PLA2G4A: variants seen among roughly 807,000 people sequenced by gnomAD.
PLA2G4A encodes cytosolic phospholipase A2.
A neutral mutation model predicts 81.9 loss-of-function variants in PLA2G4A; 40 were observed. The observed-to-expected ratio is 0.49, with a 90% CI of 0.38 to 0.64. The LOEUF (loss-of-function observed/expected upper bound fraction) is 0.64, where lower values mean the gene tolerates loss of function less well. Ranked by LOEUF, PLA2G4A falls within the 30% of genes least tolerant of loss-of-function variation. The pLI, the probability that PLA2G4A is intolerant of heterozygous loss-of-function variation, is 0.00. For synonymous variants in PLA2G4A, 302 were observed against 296.9 expected, an observed-to-expected ratio of 1.02 and a Z score of -0.18; for missense variants, 715 against 905.1, an observed-to-expected ratio of 0.79 and a Z score of 2.69.
intron 14 of PLA2G4A, among the ~76,000 whole-genome samples, chr1:186,961,785 A>T (rs1164810180): frequency 6.6e-6 from 1 of 152,202 alleles, no homozygotes; most frequent in East Asian, 1.9e-4. Context: ...AATTATAATT[A>T]TACTTTCATT....
chr1:186,896,800 C>G (rs1482774225), intron 5 of PLA2G4A, among the ~76,000 whole-genome samples: 22 of 152,094 alleles, frequency 1.4e-4, no homozygotes, highest in Admixed American at 1.4e-3. Context: ...TGTTTTCAGA[C>G]TTCTTTGTAG....
At chr1:186,957,606 T>C (rs1429273260) in intron 14 of PLA2G4A, among the ~76,000 whole-genome samples, 1 of 152,232 alleles carries the variant, frequency 6.6e-6, no homozygotes, top group Non-Finnish European at 1.5e-5. Flanking sequence ...ACATAGGGCT[T>C]GAGTAAGCCA....
At chr1:186,919,036 C>T (rs978752549) in intron 7 of PLA2G4A, among the ~76,000 whole-genome samples, 14 of 152,224 alleles carry the variant, frequency 9.2e-5, no homozygotes, top group Admixed American at 9.2e-4. Context: ...TGGGTTAAAA[C>T]TCCAACTGCC....
chr1:186,933,225 T>G (rs1320637573), intron 8 of PLA2G4A, among the ~76,000 whole-genome samples: 1 of 152,186 alleles, frequency 6.6e-6, no homozygotes, highest in East Asian at 1.9e-4. Context: ...ATTAATTTAA[T>G]CTTCTTATAA....
chr1:186,877,239 C>T (rs1558391289), intron 3 of PLA2G4A, among the ~76,000 whole-genome samples: 1 of 152,060 alleles, frequency 6.6e-6, no homozygotes, highest in Non-Finnish European at 1.5e-5. Flanking sequence ...TCTCCTGTCT[C>T]TGCCTTCCAC....
intron 1 of PLA2G4A, among the ~76,000 whole-genome samples, chr1:186,847,705 T>C (rs1450293696): frequency 6.7e-6 from 1 of 150,052 alleles, no homozygotes; most frequent in Non-Finnish European, 1.5e-5. Context: ...TTCAGAAGAG[T>C]TTTGTTGTTG....
intron 7 of PLA2G4A, among the ~76,000 whole-genome samples, chr1:186,930,585 A>G (rs952755808): frequency 6.6e-6 from 1 of 152,166 alleles, no homozygotes; most frequent in Non-Finnish European, 1.5e-5. Context: ...TGAATTGTAT[A>G]ATCTGTTACT....
chr1:186,887,850 T>G (rs1052027331), intron 3 of PLA2G4A, among the ~76,000 whole-genome samples: 1 of 152,196 alleles, frequency 6.6e-6, no homozygotes, highest in Admixed American at 6.6e-5. Context: ...CCAGTGATGG[T>G]TATAGATTAT....
intron 1 of PLA2G4A, among the ~76,000 whole-genome samples, chr1:186,843,394 G>C (rs546258940): frequency 6.6e-6 from 1 of 152,194 alleles, no homozygotes; most frequent in Admixed American, 6.5e-5. Context: ...GATCTAGACA[G>C]TTTTCTCCAG....
intron 1 of PLA2G4A, among the ~76,000 whole-genome samples, chr1:186,831,373 A>G (rs1316166216): frequency 6.6e-6 from 1 of 152,150 alleles, no homozygotes; most frequent in East Asian, 1.9e-4. Flanking sequence ...AACTTGGTAT[A>G]ATGGAAAAAA....
intron 2 of PLA2G4A, among the ~76,000 whole-genome samples, chr1:186,863,853 C>T (rs1040813939): frequency 7.9e-5 from 12 of 151,882 alleles, no homozygotes; most frequent in African/African-American, 1.2e-4. Flanking sequence ...CTCCGCCTCC[C>T]GGGTTCAAGC....
At chr1:186,973,181 A>G (rs1026444816) in intron 15 of PLA2G4A, among the ~76,000 whole-genome samples, 1 of 152,234 alleles carries the variant, frequency 6.6e-6, no homozygotes, top group African/African-American at 2.4e-5. Context: ...TTCGGAGGGC[A>G]GAAGTTGAAA....
chr1:186,980,023 C>T (rs1198376487), intron 17 of PLA2G4A, among the ~76,000 whole-genome samples: 2 of 144,798 alleles, frequency 1.4e-5, no homozygotes, highest in African/African-American at 5.1e-5. Flanking sequence ...TGTCGGCTCA[C>T]TGCAAGCTCC....
chr1:186,954,255 T>G (rs6425062), intron 13 of PLA2G4A, among the ~76,000 whole-genome samples: 145,867 of 152,272 alleles, frequency 0.96, 69,912 homozygotes, highest in East Asian at 1. Context: ...GAATACTATA[T>G]AGCCATAAAA....
At chr1:186,870,304 C>T in intron 2 of PLA2G4A, 131 bp from the exon 3 acceptor site, 1 of 702,338 alleles carries the variant, frequency 1.4e-6, no homozygotes, top group Non-Finnish European at 2.6e-6. Context: ...AAAGAAGCAG[C>T]CTTACATCAA....
At chr1:186,872,549 G>T (rs1558386492) in intron 3 of PLA2G4A, among the ~76,000 whole-genome samples, 1 of 151,750 alleles carries the variant, frequency 6.6e-6, no homozygotes, top group African/African-American at 2.4e-5. Flanking sequence ...GCGTTCTGTT[G>T]TGTAGAGACA....
At chr1:186,903,228 G>T (rs998956308) in intron 5 of PLA2G4A, among the ~76,000 whole-genome samples, 1 of 151,596 alleles carries the variant, frequency 6.6e-6, no homozygotes, top group Non-Finnish European at 1.5e-5. Flanking sequence ...ATTAATTGCT[G>T]TTTGTTTCTA....
chr1:186,944,731 A>G (rs1256017988), intron 10 of PLA2G4A, among the ~76,000 whole-genome samples: 1 of 152,166 alleles, frequency 6.6e-6, no homozygotes, highest in Admixed American at 6.6e-5. Flanking sequence ...ACCTTTGGTG[A>G]CATGTGTTTT....
chr1:186,832,740 T>A (rs1651639584), intron 1 of PLA2G4A, among the ~76,000 whole-genome samples: 2 of 152,224 alleles, frequency 1.3e-5, no homozygotes, highest in Non-Finnish European at 2.9e-5. Flanking sequence ...CAATTTCAAA[T>A]ATGATAGATA....
Sources: allele counts gnomAD v4.1 joint callset (sites outside exome capture counted in the v4.1 genomes callset), GRCh38; gene constraint gnomAD v4.1.1; transcripts MANE v1.5; gene names NCBI Gene and HGNC (gene_info 2026-07-23, HGNC 2026-07-21).